MET: variants seen among roughly 807,000 people sequenced by gnomAD.
MET encodes hepatocyte growth factor receptor.
A neutral mutation model predicts 133.1 loss-of-function variants in MET; 48 were observed. The ratio of observed to expected loss-of-function variants is 0.36; its 90% CI spans 0.29 to 0.46. The LOEUF is 0.46. Among genes scored for constraint, MET ranks in the 20% least tolerant of loss-of-function variants. MET has a pLI of 1.00. For synonymous variants in MET, 628 were observed against 616.5 expected, an observed-to-expected ratio of 1.02 and a Z score of -0.28; for missense variants, 1,442 against 1,695.9, an observed-to-expected ratio of 0.85 and a Z score of 2.63.
Position 116,721,358 on chromosome 7 carries a change from C to T in MET, c.1201-10310C>T, listed in dbSNP as rs997591983. ...TCCCCTTTATCATTTTTTATTGTGT[C>T]TATTTGATTCTTCTCTCTTTTCTTC... is the stretch of plus-strand genomic sequence containing the variant. On this transcript the variant is annotated intron_variant, in intron 2 of 20. Transcript: ENST00000397752. Among the ~76,000 whole-genome samples, 149 of 152,116 alleles carry T rather than the reference C, an allele frequency of 9.8e-4. 1 individual carries two copies. The highest frequency in any genetic ancestry group is 3.5e-3 in the African/African-American group (145 of 41,488).
intron 5 of MET, among the ~76,000 whole-genome samples, chr7:116,751,992 C>T (rs1350685826): frequency 1.3e-5 from 2 of 152,068 alleles, no homozygotes; most frequent in East Asian, 1.9e-4. Context: ...ACCTGGGTGG[C>T]GGAGCTTGCA....
chr7:116,685,394 C>A (rs559547248), intron 1 of MET, among the ~76,000 whole-genome samples: 1 of 152,270 alleles, frequency 6.6e-6, no homozygotes, highest in East Asian at 1.9e-4. Flanking sequence ...AAATGTATGT[C>A]AGGCTGAGTG....
intron 11 of MET, among the ~76,000 whole-genome samples, chr7:116,768,669 T>A (rs1794721835): frequency 6.6e-6 from 1 of 152,210 alleles, no homozygotes; most frequent in Admixed American, 6.5e-5. Context: ...TATTAAAGAT[T>A]ATATAAAACA....
intron 5 of MET, among the ~76,000 whole-genome samples, chr7:116,747,984 G>T (rs565602135): frequency 1.3e-5 from 2 of 152,218 alleles, no homozygotes; most frequent in East Asian, 1.9e-4. Context: ...AGTGGCTTAC[G>T]CCTGTAATCC....
intron 2 of MET, among the ~76,000 whole-genome samples, chr7:116,719,630 G>A (rs1398589576): frequency 1.6e-4 from 25 of 152,258 alleles, no homozygotes; most frequent in East Asian, 7.7e-4. Flanking sequence ...TAGGTCTAAC[G>A]TTTAAGTCTT....
intron 9 of MET, among the ~76,000 whole-genome samples, chr7:116,758,903 C>T (rs1794289918): frequency 6.6e-6 from 1 of 152,142 alleles, no homozygotes; most frequent in South Asian, 2.1e-4. Context: ...CATGCACTTA[C>T]ATTATGTACA....
intron 2 of MET, among the ~76,000 whole-genome samples, chr7:116,714,265 A>C (rs1352566238): frequency 3.3e-5 from 5 of 152,230 alleles, no homozygotes; most frequent in African/African-American, 1.2e-4. Context: ...GATTCTTTTG[A>C]ATTGTGGTGG....
chr7:116,777,351 T>C, intron 15 of MET, 38 bp from the exon 16 acceptor site: 1 of 1,472,630 alleles, frequency 6.8e-7, no homozygotes, highest in Non-Finnish European at 9.5e-7. Flanking sequence ...CATAATTAAA[T>C]GTTACGCAGT....
At chr7:116,673,824 T>C (rs1796060048) in intron 1 of MET, among the ~76,000 whole-genome samples, 1 of 152,216 alleles carries the variant, frequency 6.6e-6, no homozygotes, top group South Asian at 2.1e-4. Flanking sequence ...CTAAGCTAAT[T>C]GAGCTTTGTT....
In MET at chr7:116,770,076, G is replaced by A. The variant is rs116921956; in HGVS notation, c.2730+285G>A. On this transcript the variant is annotated intron_variant, in intron 12 of 20. Coordinates refer to ENST00000397752, the MANE Select transcript of MET (RefSeq NM_000245.4). ...TGTAATTCTCAGAAGAAATAAGGATGCATCCAAGAGTGTCCTTCTACTGCC... is the reference window on the plus strand; with the variant it reads ...TGTAATTCTCAGAAGAAATAAGGATACATCCAAGAGTGTCCTTCTACTGCC... Among the ~76,000 whole-genome samples the A allele has an allele frequency of 7.9e-3, 1,196 of 152,286 alleles. 11 individuals are homozygous for A. The highest frequency in any genetic ancestry group is 0.013 in the Non-Finnish European group (877 of 68,022).
At position 116,783,407 on chromosome 7, in the gene MET, C is replaced by T. The variant is rs1286921734; in HGVS notation, c.3736C>T (p.Pro1246Ser). The change falls in exon 19 of 21, where the codon CCA becomes TCA. Residue 1246 changes from proline to serine, a missense_variant. By Grantham distance (74) the Pro-to-Ser change is moderately conservative (BLOSUM62 -1). Transcript: ENST00000397752. ...ACACAACAAAACAGGTGCAAAGCTG[C>T]CAGTGAAGTGGATGGCTTTGGAAAG... ...SVHNKTGAKL[P>S]VKWMALESLQ... is the part of the protein sequence containing the mutation. 1 of 1,614,012 alleles carries T rather than the reference C, an allele frequency of 6.2e-7. No individual in the cohort carries two copies. The highest frequency in any genetic ancestry group is 8.5e-7 in the Non-Finnish European group (1 of 1,180,014).
At chr7:116,711,067 A>C (rs1218930306) in intron 2 of MET, among the ~76,000 whole-genome samples, 1 of 152,244 alleles carries the variant, frequency 6.6e-6, no homozygotes, top group Non-Finnish European at 1.5e-5. Flanking sequence ...TCTCTGTTCC[A>C]GTGAATGGCT....
rs2116924488 is a variant in MET at position 116,757,720 on chromosome 7, A to G, written c.2048A>G (p.Asn683Ser). 2 of 1,613,994 alleles carry G rather than the reference A, an allele frequency of 1.2e-6. No homozygotes were observed. The highest frequency in any genetic ancestry group is 1.7e-6 in the Non-Finnish European group (2 of 1,179,900). Reference sequence around the variant, plus strand: ...CTTACTTTAACTGGAAATTACCTAAACAGTGGGAATTCTAGACACATTTCA... The same window carrying G: ...CTTACTTTAACTGGAAATTACCTAAGCAGTGGGAATTCTAGACACATTTCA... ...TLLTLTGNYL[N>S]SGNSRHISIG... is the part of the protein sequence containing the mutation. The change falls in exon 8 of 21, where the codon AAC (asparagine) becomes AGC (serine). Residue 683 changes from asparagine (N) to serine (S), a missense_variant. Asn to Ser is a conservative substitution (Grantham distance 46). Coordinates refer to ENST00000397752, the MANE Select transcript of MET (RefSeq NM_000245.4).
At chr7:116,694,568 T>G (rs190947831) in intron 1 of MET, among the ~76,000 whole-genome samples, 1 of 152,352 alleles carries the variant, frequency 6.6e-6, no homozygotes, top group African/African-American at 2.4e-5. Context: ...TCTACATGTG[T>G]ACATTTTCTT....
At chr7:116,757,844 ATTGTT>A (rs748117822) in intron 8 of MET, 70 bp downstream of exon 8, 1 of 1,538,560 alleles carries the variant, frequency 6.5e-7, no homozygotes, top group South Asian at 1.1e-5. Context: ...AATTAAGCAG[ATTGTT>A]TTGTGTGTGT....
rs77523018 is a variant in MET, at chr7:116,700,169, T to C, written c.1085T>C (p.Met362Thr). ...DSAEPMDRSA[M>T]CAFPIKYVND... ...GCCGAACCAATGGATCGATCTGCCA[T>C]GTGTGCATTCCCTATCAAATATGTC... The change falls in exon 2 of 21, where the codon ATG becomes ACG. Residue 362 changes from methionine to threonine, a missense_variant. Physicochemically the swap from Met to Thr is moderately conservative, Grantham distance 81 (BLOSUM62 -1). Around this residue, in one of 6 missense-constraint regions of MET, gnomAD observed 762 missense variants for 792.4 expected, o/e 0.96. Coordinates refer to ENST00000397752, the MANE Select transcript of MET (RefSeq NM_000245.4). 2,043 of 1,595,714 alleles carry C rather than the reference T, an allele frequency of 1.3e-3. 27 individuals are homozygous for C. In the African/African-American group the frequency reaches 0.024, roughly 19 times the overall value.
intron 11 of MET, among the ~76,000 whole-genome samples, chr7:116,764,852 G>C (rs1182567563): frequency 2.0e-5 from 3 of 152,172 alleles, no homozygotes; most frequent in Admixed American, 2.0e-4. Context: ...AGTGGGAGCA[G>C]TGGCAATTCA....
At chr7:116,754,983 G>GAAAGAAA (rs778450148) in intron 5 of MET, among the ~76,000 whole-genome samples, 5 of 78,684 alleles carry the variant, frequency 6.4e-5, no homozygotes, top group African/African-American at 9.1e-5. Flanking sequence ...AGCAGAGAAA[G>GAAAGAAA]GAAAGAAAGA....
chr7:116,776,936 A>G (rs1445927959), intron 15 of MET, among the ~76,000 whole-genome samples: 1 of 152,196 alleles, frequency 6.6e-6, no homozygotes, highest in East Asian at 1.9e-4. Flanking sequence ...TAATGGTAAC[A>G]TTTTTATTTC....
Sources: gnomAD v4.1 joint callset for allele counts (sites outside exome capture counted in the v4.1 genomes callset) on GRCh38, gnomAD v4.1.1 for gene constraint, gnomAD v4.1.1 regional missense constraint, MANE v1.5 for transcripts, NCBI Gene and HGNC (gene_info 2026-07-23, HGNC 2026-07-21) for gene names.